The following OSBPL10 variants were observed in gnomAD, a reference collection of about 807,000 sequenced individuals.
OSBPL10 encodes oxysterol-binding protein-related protein 10.
In OSBPL10, 49 loss-of-function variants were observed where a neutral mutation model predicts 81.7. The observed-to-expected ratio is 0.60, with a 90% CI of 0.48 to 0.76. The LOEUF (loss-of-function observed/expected upper bound fraction) is 0.76. Among genes scored for constraint, OSBPL10 ranks in the 30% least tolerant of loss-of-function variants. The pLI is 0.00. For missense variants in OSBPL10, 923 were observed against 987.8 expected, an observed-to-expected ratio of 0.93 and a Z score of 0.88; for synonymous variants, 419 against 383.6, an observed-to-expected ratio of 1.09 and a Z score of -1.08.
chr3:31,803,239 C>T lies in OSBPL10; in HGVS notation c.729+26801G>A, dbSNP rs111963689. 3.0e-3 allele frequency among the ~76,000 whole-genome samples: 453 copies of T among 152,274 alleles called. 4 individuals are homozygous for T. Among genetic ancestry groups the T allele is most frequent in the African/African-American group, 0.01 (421 of 41,554 alleles). On this transcript the variant is annotated intron_variant, in intron 4 of 11. Coordinates refer to ENST00000396556, the MANE Select transcript of OSBPL10 (RefSeq NM_017784.5). ...CCAGGCCAATGACTAGTTACAGCCC[C>T]CCTTCTCCCCAGAGAGGCGCTGGCC...
intron 1 of OSBPL10, among the ~76,000 whole-genome samples, chr3:31,880,788 C>T (rs562996675): frequency 4.6e-5 from 7 of 152,210 alleles, no homozygotes; most frequent in African/African-American, 1.7e-4. Flanking sequence ...TGACGGTCTA[C>T]AAACTGTTAC....
intron 2 of OSBPL10, among the ~76,000 whole-genome samples, chr3:32,005,108 G>C (rs1394594365): frequency 6.6e-6 from 1 of 152,026 alleles, no homozygotes; most frequent in African/African-American, 2.4e-5. Context: ...TGTGCAGAAC[G>C]TTCAGGTTTG....
intron 3 of OSBPL10, among the ~76,000 whole-genome samples, chr3:31,833,546 T>C (rs1700295049): frequency 1.3e-5 from 2 of 152,194 alleles, no homozygotes; most frequent in African/African-American, 4.8e-5. Flanking sequence ...TTTTAAAATG[T>C]TAAGAAGTTG....
intron 3 of OSBPL10, among the ~76,000 whole-genome samples, chr3:31,875,960 G>A (rs941774177): frequency 2.6e-5 from 4 of 152,096 alleles, no homozygotes; most frequent in African/African-American, 7.2e-5. Context: ...CCCCAGGAGA[G>A]AATAAATCAT....
intron 4 of OSBPL10, among the ~76,000 whole-genome samples, chr3:31,779,271 T>C (rs1167676715): frequency 6.6e-6 from 1 of 152,174 alleles, no homozygotes; most frequent in African/African-American, 2.4e-5. Context: ...AAATACAGAA[T>C]GGCAGAATGG....
chr3:31,926,551 C>A (rs563121734), intron 1 of OSBPL10, among the ~76,000 whole-genome samples: 4 of 152,216 alleles, frequency 2.6e-5, no homozygotes, highest in Admixed American at 6.5e-5. Context: ...CAGGAAATCA[C>A]AAAAATTTGC....
intron 8 of OSBPL10, among the ~76,000 whole-genome samples, chr3:31,683,142 G>A (rs960363627): frequency 1.3e-5 from 2 of 152,322 alleles, no homozygotes; most frequent in Non-Finnish European, 1.5e-5. Flanking sequence ...CACCAGTGGC[G>A]TGATTATACT....
At chr3:31,997,524 A>G (rs2125528340) in intron 2 of OSBPL10, among the ~76,000 whole-genome samples, 1 of 152,006 alleles carries the variant, frequency 6.6e-6, no homozygotes, top group South Asian at 2.1e-4. Flanking sequence ...CAGCCTCCCA[A>G]AATGCTGGGA....
At chr3:31,857,368 C>T (rs1223655200) in intron 3 of OSBPL10, among the ~76,000 whole-genome samples, 1 of 152,136 alleles carries the variant, frequency 6.6e-6, no homozygotes, top group Non-Finnish European at 1.5e-5. Flanking sequence ...GGAGCCTAAT[C>T]TGAACTGGCA....
At chr3:31,868,184 T>C (rs1435926139) in intron 3 of OSBPL10, among the ~76,000 whole-genome samples, 2 of 151,956 alleles carry the variant, frequency 1.3e-5, no homozygotes, top group Non-Finnish European at 2.9e-5. Context: ...TGTCTGGGGG[T>C]GGGGTCTGGG....
chr3:31,984,688 C>G (rs1021788647), upstream of OSBPL10, among the ~76,000 whole-genome samples: 58 of 152,152 alleles, frequency 3.8e-4, no homozygotes, highest in Admixed American at 3.8e-3. Flanking sequence ...AAAGTTCAGA[C>G]CTCTCTTAAG....
chr3:31,774,996 G>A (rs887179314), intron 4 of OSBPL10, among the ~76,000 whole-genome samples: 1 of 151,352 alleles, frequency 6.6e-6, no homozygotes, highest in African/African-American at 2.4e-5. Context: ...GTGAAACCCT[G>A]TTTCTACAAA....
chr3:31,667,828 C>G (rs1700234076), intron 10 of OSBPL10, among the ~76,000 whole-genome samples: 2 of 152,208 alleles, frequency 1.3e-5, no homozygotes, highest in South Asian at 4.1e-4. Flanking sequence ...GGATTTGGCC[C>G]ACAGGCCATA....
intron 11 of OSBPL10, chr3:31,662,374 C>G (rs572471943): frequency 1.6e-6 from 2 of 1,221,374 alleles, no homozygotes; most frequent in Non-Finnish European, 2.0e-6. Flanking sequence ...TGGCTTCCAT[C>G]GAGACTGATT....
chr3:31,766,911 C>G (rs759836173), intron 4 of OSBPL10, among the ~76,000 whole-genome samples: 1 of 152,054 alleles, frequency 6.6e-6, no homozygotes, highest in Non-Finnish European at 1.5e-5. Flanking sequence ...CCCAGAACAC[C>G]CCACCTCCTC....
chr3:31,664,214 C>T lies in OSBPL10; in HGVS notation c.2115G>A (p.Val705=). 1 of 1,612,532 alleles carries T rather than the reference C, an allele frequency of 6.2e-7. No individual in the cohort carries two copies. The highest frequency in any genetic ancestry group is 8.5e-7 in the Non-Finnish European group (1 of 1,180,018). Residue 705 remains valine, a synonymous_variant, in exon 11 of 12, where the codon GTG becomes GTA. Transcript: ENST00000396556. ...TGTCCCCCAGCCGCAGGTATCGGGT[C>T]ACCTCCCGCCAGAGGTTCCTGGGGA... ...PMESRNLWRE[V]TRYLRLGDID... is the part of the protein sequence containing the mutation.
In OSBPL10 at chr3:31,928,762, C is replaced by CCAAAAAAAAAA. The variant is rs768296819; in HGVS notation, c.282-48933_282-48932insTTTTTTTTTTG. Among the ~76,000 whole-genome samples, 91 of 95,062 alleles carry CCAAAAAAAAAA rather than the reference C, an allele frequency of 9.6e-4. 1 individual carries two copies. The highest frequency in any genetic ancestry group is 1.8e-3 in the East Asian group (6 of 3,374). 62.4% of individuals were successfully genotyped at this position (95,062 alleles called of 152,430 possible). ...TCTGGGCGACAGTGAGACTTGTCTC[C>CCAAAAAAAAAA]AAAAAAAAAAAAAAAAAAAGAATGC... On this transcript the variant is annotated intron_variant, in intron 1 of 11. Coordinates refer to ENST00000396556, the MANE Select transcript of OSBPL10 (RefSeq NM_017784.5).
chr3:32,054,533 T>TTG (rs1699692755), intron 1 of OSBPL10, among the ~76,000 whole-genome samples: 2 of 136,590 alleles, frequency 1.5e-5, no homozygotes, highest in Admixed American at 7.5e-5. Context: ...TGGCTTTTTT[T>TTG]TTTTTTTTTT....
In OSBPL10 at chr3:31,769,454, AAAAAC is replaced by A. The variant is rs1455191891; in HGVS notation, c.730-21339_730-21335del. Among the ~76,000 whole-genome samples the A allele has an allele frequency of 1.0e-4, 9 of 86,930 alleles. 1 individual carries two copies. The highest frequency in any genetic ancestry group is 1.8e-4 in the Non-Finnish European group (8 of 43,448). The allele number at this position is 86,930 out of a possible 152,430, so 57.0% of individuals were successfully genotyped here. On this transcript the variant is annotated intron_variant, in intron 4 of 11. Coordinates refer to ENST00000396556, the MANE Select transcript of OSBPL10 (RefSeq NM_017784.5). ...GAGCAAAACTCCATCTCAAAAAAAAAAAAACAAAAAAAAAACAAAAAAAAACAGAA... is the reference window on the plus strand; with the variant it reads ...GAGCAAAACTCCATCTCAAAAAAAAAAAAAAAAAAACAAAAAAAAACAGAA...
Sources: allele counts gnomAD v4.1 joint callset (sites outside exome capture counted in the v4.1 genomes callset), GRCh38; gene constraint gnomAD v4.1.1; transcripts MANE v1.5; gene names NCBI Gene and HGNC (gene_info 2026-07-23, HGNC 2026-07-21).